Variants in GLUD1 observed in about 807,000 individuals in gnomAD.
GLUD1 encodes glutamate dehydrogenase 1.
GLUD1 carries 22 observed loss-of-function variants against 56.0 expected under a neutral mutation model. The observed-to-expected ratio is 0.39, with a 90% CI of 0.28 to 0.56. The LOEUF (loss-of-function observed/expected upper bound fraction) is 0.56, where lower values mean the gene tolerates loss of function less well. Ranked by LOEUF, GLUD1 falls within the 20% of genes least tolerant of loss-of-function variation. The probability of loss-of-function intolerance (pLI) is 0.58; values close to 1 mark genes in which losing one functional copy is unlikely to be tolerated. For missense variants in GLUD1, 451 were observed against 732.0 expected (o/e 0.62, Z 4.43); for synonymous variants, 223 against 269.9 (o/e 0.83, Z 1.70).
chr10:87,068,166 G>A lies in GLUD1; in HGVS notation c.647-9C>T, dbSNP rs1846128460. 2 of 1,580,500 alleles carry A rather than the reference G, an allele frequency of 1.3e-6. No individual in the cohort carries two copies. Among genetic ancestry groups the A allele is most frequent in the Non-Finnish European group, 8.7e-7 (1 of 1,149,416 alleles). On this transcript the variant is annotated splice_polypyrimidine_tract_variant and intron_variant, in intron 4 of 12. Coordinates refer to ENST00000277865, the MANE Select transcript of GLUD1 (RefSeq NM_005271.5). ...CACATCAATGCCAGGACCTGCGGGG[G>A]CACAGGGAAAGAGGAGTGCACCAGT... is the stretch of plus-strand genomic sequence containing the variant.
chr10:87,074,512 G>A, intron 4 of GLUD1, 39 bp downstream of exon 4: 1 of 1,173,768 alleles, frequency 8.5e-7, no homozygotes. Flanking sequence ...ATTTTTAGAT[G>A]TTCCCACTTT....
At position 87,060,803 on chromosome 10, in the gene GLUD1, A is replaced by C; in HGVS notation, c.1082T>G (p.Phe361Cys). 1 of 1,614,178 alleles carries C rather than the reference A, an allele frequency of 6.2e-7. No homozygotes were observed. Among genetic ancestry groups the C allele is most frequent in the Non-Finnish European group, 8.5e-7 (1 of 1,180,040 alleles). The change falls in exon 8 of 13, where the codon TTC becomes TGC. Residue 361 changes from phenylalanine to cysteine, a missense_variant. Physicochemically the swap from Phe to Cys is radical, Grantham distance 205 (BLOSUM62 -2). Around this residue, in one of 4 missense-constraint regions of GLUD1, gnomAD observed 248 missense variants for 460.0 expected, o/e 0.54. Coordinates refer to ENST00000277865, the MANE Select transcript of GLUD1 (RefSeq NM_005271.5). ...TCCTTCATAGGGCTTTGCCTTGGGG[A>C]AGCCCAGAATGGACCCATGTTGCTG... is the stretch of plus-strand genomic sequence containing the variant. ...FKLQHGSILGFPKAKPYEGSI... is the reference protein window; with the variant it reads ...FKLQHGSILGCPKAKPYEGSI...
At chr10:87,061,685 T>C (rs1371076566) in intron 6 of GLUD1, among the ~76,000 whole-genome samples, 7 of 151,772 alleles carry the variant, frequency 4.6e-5, no homozygotes, top group African/African-American at 1.5e-4. Context: ...GGCACAATCT[T>C]GGCTCACTGC....
chr10:87,076,607 A>T lies in GLUD1; in HGVS notation c.495T>A (p.Ala165=). 1.2e-6 allele frequency: 2 copies of T among 1,609,422 alleles called. No individual in the cohort carries two copies. Among genetic ancestry groups the T allele is most frequent in the Non-Finnish European group, 1.7e-6 (2 of 1,175,750 alleles). The change falls in exon 2 of 13, where the codon GCT becomes GCA. Residue 165 remains alanine, a synonymous_variant. Transcript: ENST00000277865. ...DVSVDEVKAL[A]SLMTYKCAVV... is the part of the protein sequence containing the mutation. ...CTGCACACTTGTATGTCATCAGAGA[A>T]GCCAAAGCTTTTACTTCATCTACAC...
At chr10:87,081,624 A>T (rs2133842991) in intron 1 of GLUD1, among the ~76,000 whole-genome samples, 1 of 152,254 alleles carries the variant, frequency 6.6e-6, no homozygotes, top group South Asian at 2.1e-4. Context: ...CTGCCTTGGG[A>T]TCCTGTTGAT....
chr10:87,064,631 C>T (rs1846027820), intron 5 of GLUD1, among the ~76,000 whole-genome samples: 1 of 152,048 alleles, frequency 6.6e-6, no homozygotes, highest in Non-Finnish European at 1.5e-5. Context: ...ACACAGAGAA[C>T]TTAGAATTAT....
intron 5 of GLUD1, among the ~76,000 whole-genome samples, chr10:87,063,795 G>C (rs973940796): frequency 6.6e-6 from 1 of 152,192 alleles, no homozygotes; most frequent in African/African-American, 2.4e-5. Flanking sequence ...TGTGTGAGCA[G>C]AGTATCTTTG....
intron 1 of GLUD1, among the ~76,000 whole-genome samples, chr10:87,087,912 C>T (rs1841422057): frequency 6.6e-6 from 1 of 152,098 alleles, no homozygotes; most frequent in Non-Finnish European, 1.5e-5. Context: ...AAAACCCTGT[C>T]TCTACTAAAT....
At chr10:87,093,764 G>C (rs1841608611) in intron 1 of GLUD1, among the ~76,000 whole-genome samples, 1 of 152,150 alleles carries the variant, frequency 6.6e-6, no homozygotes, top group Non-Finnish European at 1.5e-5. Context: ...TTACTTAATT[G>C]AAACGATTAA....
At chr10:87,062,914 A>G in intron 5 of GLUD1, 79 bp from the exon 6 acceptor site, 2 of 1,306,228 alleles carry the variant, frequency 1.5e-6, no homozygotes, top group Non-Finnish European at 2.2e-6. Flanking sequence ...TTAAAGTCAA[A>G]GCACATTCTC....
At chr10:87,060,481 G>A (rs1322294731) in intron 8 of GLUD1, 5 of 690,102 alleles carry the variant, frequency 7.2e-6, no homozygotes, top group African/African-American at 3.6e-5. Flanking sequence ...AGGCAGATGC[G>A]TTTGTTTTGG....
chr10:87,073,598 A>G (rs984904500), intron 4 of GLUD1, among the ~76,000 whole-genome samples: 2 of 151,098 alleles, frequency 1.3e-5, no homozygotes, highest in African/African-American at 4.9e-5. Flanking sequence ...TTATTAAGTA[A>G]CAATTAACAT....
intron 1 of GLUD1, chr10:87,093,989 A>G: frequency 7.0e-7 from 1 of 1,430,934 alleles, no homozygotes; most frequent in Non-Finnish European, 9.3e-7. Flanking sequence ...TCCCTTTCCT[A>G]GAAGTGCATT....
rs1216177089 is a variant in GLUD1, at chr10:87,088,348, G to GT, written c.445+5976dup. Among the ~76,000 whole-genome samples, 13 of 151,926 alleles carry GT rather than the reference G, an allele frequency of 8.6e-5. No homozygotes were observed. In the South Asian group the frequency reaches 2.7e-3, roughly 31 times the overall value. Reference sequence around the variant, plus strand: ...CCAAGAAATAAAAAAATTCAACTTTGTTTTTTTAAAAGAACCCTCTGCATA... The same window carrying GT: ...CCAAGAAATAAAAAAATTCAACTTTGTTTTTTTTAAAAGAACCCTCTGCATA... On this transcript the variant is annotated intron_variant, in intron 1 of 12. Coordinates refer to ENST00000277865, the MANE Select transcript of GLUD1 (RefSeq NM_005271.5).
At chr10:87,075,423 A>C (rs1846358882) in intron 3 of GLUD1, among the ~76,000 whole-genome samples, 1 of 152,236 alleles carries the variant, frequency 6.6e-6, no homozygotes, top group Non-Finnish European at 1.5e-5. Context: ...AAGACTCATA[A>C]AAACAAAACC....
At chr10:87,093,092 A>G (rs1227447741) in intron 1 of GLUD1, among the ~76,000 whole-genome samples, 1 of 152,264 alleles carries the variant, frequency 6.6e-6, no homozygotes, top group Non-Finnish European at 1.5e-5. Context: ...ATGCAAATTT[A>G]GTAAATCTTT....
chr10:87,056,500 G>A (rs1845779684), intron 11 of GLUD1, among the ~76,000 whole-genome samples: 3 of 151,952 alleles, frequency 2.0e-5, no homozygotes, highest in Admixed American at 1.3e-4. Context: ...TCACCATGTT[G>A]GCCAGGCTGG....
At chr10:87,056,115 CAAAAAAAAAA>C (rs201114912) in intron 11 of GLUD1, among the ~76,000 whole-genome samples, 20,408 of 63,254 alleles carry the variant, frequency 0.32, 1,839 homozygotes, top group East Asian at 0.64. Context: ...GACTCTGTCT[CAAAAAAAAAA>C]AAAAAAAAAA....
intron 1 of GLUD1, among the ~76,000 whole-genome samples, chr10:87,085,281 G>A (rs1005793377): frequency 1.3e-5 from 2 of 149,906 alleles, no homozygotes; most frequent in African/African-American, 2.5e-5. Flanking sequence ...GGGAGACCGA[G>A]GTTGCAATGA....
Sources: gnomAD v4.1 joint callset for allele counts (sites outside exome capture counted in the v4.1 genomes callset) on GRCh38, gnomAD v4.1.1 for gene constraint, gnomAD v4.1.1 regional missense constraint, MANE v1.5 for transcripts, NCBI Gene and HGNC (gene_info 2026-07-23, HGNC 2026-07-21) for gene names.